The following POC5 variants were observed in gnomAD, a reference collection of about 807,000 sequenced individuals.
The protein encoded by POC5 is centrosomal protein POC5.
Under a neutral mutation model 62.9 loss-of-function variants are expected in POC5, and 48 were observed. That is an observed-to-expected ratio of 0.76 (90% CI 0.61 to 0.97). The LOEUF (loss-of-function observed/expected upper bound fraction) is 0.97. POC5 is among the 50% of genes least tolerant of loss of function. The pLI is 0.00. For synonymous variants in POC5, 236 were observed against 228.2 expected, an observed-to-expected ratio of 1.03 and a Z score of -0.31; for missense variants, 696 against 679.5, an observed-to-expected ratio of 1.02 and a Z score of -0.27.
Position 75,681,057 on chromosome 5 carries a change from C to A in POC5, c.1408-3107G>T, listed in dbSNP as rs377589151. On this transcript the variant is annotated intron_variant, in intron 10 of 11. Transcript: ENST00000428202. ...AAAATTCTAGCATTTTAAGCCACAT[C>A]AACATAAGCAACAAAATTGAAAGGA... is the stretch of plus-strand genomic sequence containing the variant. Among the ~76,000 whole-genome samples the A allele has an allele frequency of 6.7e-4, 102 of 151,896 alleles. 1 individual carries two copies. The South Asian group carries it at 0.02, about 30-fold the overall frequency.
Position 75,712,883 on chromosome 5 carries a change from G to A in POC5, c.55C>T (p.Arg19Ter), listed in dbSNP as rs558520185. 18 of 1,612,082 alleles carry A rather than the reference G, an allele frequency of 1.1e-5. No individual in the cohort carries two copies. Among genetic ancestry groups the A allele is most frequent in the Admixed American group, 1.0e-4 (6 of 59,804 alleles). Residue 19 changes from arginine (R) to a stop codon, truncating the protein, a stop_gained, in exon 2 of 12, where the codon CGA (arginine) becomes TGA (stop). Transcript: ENST00000428202. LOFTEE classifies it high-confidence loss of function. ...SLPVVQNDSS[R>*]GSSVSSNLQE... ...AGATTCGAAGAGACAGAACTGCCTC[G>A]ACTGGAGTCATTTTGCACAACTGGA... is the stretch of plus-strand genomic sequence containing the variant.
Position 75,689,104 on chromosome 5 carries a change from T to C in POC5, c.1037A>G (p.His346Arg). 6.3e-7 allele frequency: 1 copy of C among 1,595,654 alleles called. No individual in the cohort carries two copies. Among genetic ancestry groups the C allele is most frequent in the Middle Eastern group, 1.7e-4 (1 of 6,032 alleles). ...EIQRMQHEKE[H>R]FEDSMKKAFM... ...AGCTTTTTTCATGGAATCTTCAAAG[T>C]GCTCTTTTTCATGTTGCATTCTTTG... is the stretch of plus-strand genomic sequence containing the variant. Residue 346 changes from histidine to arginine, a missense_variant, in exon 9 of 12, where the codon CAC becomes CGC. Physicochemically the swap from His to Arg is conservative, Grantham distance 29 (BLOSUM62 0). Coordinates refer to ENST00000428202, the MANE Select transcript of POC5 (RefSeq NM_001099271.2).
chr5:75,711,997 A>C (rs1332742616), intron 2 of POC5, among the ~76,000 whole-genome samples: 3 of 152,238 alleles, frequency 2.0e-5, no homozygotes, highest in Non-Finnish European at 1.5e-5. Flanking sequence ...AGGTACCATC[A>C]AAAGGGAAGG....
At chr5:75,674,695 G>T in intron 11 of POC5, 117 bp from the exon 12 acceptor site, 1 of 1,292,122 alleles carries the variant, frequency 7.7e-7, no homozygotes. Context: ...CCAGTAGAAA[G>T]AAGCAATGAG....
intron 9 of POC5, among the ~76,000 whole-genome samples, chr5:75,686,303 G>T (rs574383393): frequency 1.3e-5 from 2 of 152,306 alleles, no homozygotes; most frequent in South Asian, 4.1e-4. Context: ...TGAGGGTTTA[G>T]AAATTCAGTC....
At chr5:75,714,980 C>T (rs1467841330) in intron 1 of POC5, among the ~76,000 whole-genome samples, 1 of 152,054 alleles carries the variant, frequency 6.6e-6, no homozygotes, top group Non-Finnish European at 1.5e-5. Flanking sequence ...AAGTTCTTAT[C>T]CTGAGGTCCT....
intron 1 of POC5, among the ~76,000 whole-genome samples, chr5:75,715,302 T>TC: frequency 9.0e-6 from 1 of 111,586 alleles, no homozygotes; most frequent in East Asian, 2.3e-4. Flanking sequence ...AGAGTGAGAC[T>TC]CCGTCTCAAA....
At chr5:75,714,600 C>G (rs1433528018) in intron 1 of POC5, among the ~76,000 whole-genome samples, 1 of 152,074 alleles carries the variant, frequency 6.6e-6, no homozygotes, top group African/African-American at 2.4e-5. Context: ...TGGTGGCTTC[C>G]AGATCTCCGG....
At chr5:75,716,140 A>G (rs1331911524) in intron 1 of POC5, among the ~76,000 whole-genome samples, 2 of 152,186 alleles carry the variant, frequency 1.3e-5, no homozygotes, top group African/African-American at 4.8e-5. Context: ...CTGGAACTAA[A>G]TTGTGGAAAG....
At chr5:75,697,001 G>A (rs1316318691) in intron 5 of POC5, among the ~76,000 whole-genome samples, 1 of 152,104 alleles carries the variant, frequency 6.6e-6, no homozygotes, top group African/African-American at 2.4e-5. Context: ...GGGAAGTTTA[G>A]AGAAAAAAGA....
intron 10 of POC5, among the ~76,000 whole-genome samples, chr5:75,679,787 C>T (rs965296484): frequency 6.6e-6 from 1 of 152,018 alleles, no homozygotes; most frequent in East Asian, 1.9e-4. Context: ...AATAAGGTGG[C>T]ATCAGGAGGC....
intron 10 of POC5, among the ~76,000 whole-genome samples, chr5:75,679,838 A>G (rs1269704502): frequency 6.6e-6 from 1 of 152,146 alleles, no homozygotes; most frequent in African/African-American, 2.4e-5. Context: ...ATAATGTTTG[A>G]AATTAATAAA....
At chr5:75,686,372 GT>G (rs1561464881) in intron 9 of POC5, among the ~76,000 whole-genome samples, 1 of 152,066 alleles carries the variant, frequency 6.6e-6, no homozygotes, top group Non-Finnish European at 1.5e-5. Flanking sequence ...TGTTTAAATG[GT>G]TTTCTATGTA....
rs957613675 is a variant in POC5 at position 75,688,934 on chromosome 5, T to G, written c.1129+78A>C. 4.4e-6 allele frequency: 6 copies of G among 1,354,598 alleles called. No individual in the cohort carries two copies. The Admixed American group carries it at 1.7e-4, about 38-fold the overall frequency. 83.9% of individuals were successfully genotyped at this position (1,354,598 alleles called of 1,614,324 possible). ...CATACCTACTGCAGATTATTTGTACTGTAGACCATACCAATCACCAAAATC... is the reference window on the plus strand; with the variant it reads ...CATACCTACTGCAGATTATTTGTACGGTAGACCATACCAATCACCAAAATC... On this transcript the variant is annotated intron_variant, in intron 9 of 11. Coordinates refer to ENST00000428202, the MANE Select transcript of POC5 (RefSeq NM_001099271.2).
rs1399538393 is a variant in POC5 at position 75,690,125 on chromosome 5, C to T, written c.975+258G>A. On this transcript the variant is annotated intron_variant, in intron 8 of 11. Coordinates refer to ENST00000428202, the MANE Select transcript of POC5 (RefSeq NM_001099271.2). ...AAACTCCTGACTCAGGTGATCTGCC[C>T]GCCTCGGCCTCCCAAAGTGCTGGGT... 3.3e-5 allele frequency among the ~76,000 whole-genome samples: 5 copies of T among 152,092 alleles called. No individual in the cohort carries two copies. In the East Asian group the frequency reaches 7.7e-4, roughly 23 times the overall value.
intron 5 of POC5, among the ~76,000 whole-genome samples, chr5:75,697,295 G>T (rs998420408): frequency 3.9e-5 from 6 of 152,030 alleles, no homozygotes; most frequent in Admixed American, 2.0e-4. Context: ...AATGTTAAGG[G>T]CAGCCAGAGA....
chr5:75,677,314 A>T (rs1775704890), intron 11 of POC5, among the ~76,000 whole-genome samples: 1 of 152,214 alleles, frequency 6.6e-6, no homozygotes, highest in Admixed American at 6.5e-5. Context: ...ACATGCTGAC[A>T]ATTGTACTGA....
At chr5:75,715,927 A>T (rs1742511236) in intron 1 of POC5, among the ~76,000 whole-genome samples, 1 of 152,226 alleles carries the variant, frequency 6.6e-6, no homozygotes, top group Non-Finnish European at 1.5e-5. Flanking sequence ...AAGAAAATAG[A>T]ATTAGATGCC....
In POC5 at chr5:75,712,908, AAGTG is replaced by A. The variant is rs1240448563; in HGVS notation, c.26_29del (p.Ser9PhefsTer30). 1 of 1,612,722 alleles carries A rather than the reference AAGTG, an allele frequency of 6.2e-7. No individual in the cohort carries two copies. The highest frequency in any genetic ancestry group is 8.5e-7 in the Non-Finnish European group (1 of 1,179,278). On this transcript the variant is annotated frameshift_variant, in exon 2 of 12. Coordinates refer to ENST00000428202, the MANE Select transcript of POC5 (RefSeq NM_001099271.2). LOFTEE classifies it high-confidence loss of function. ...GACTGGAGTCATTTTGCACAACTGGAAGTGAGTATTTCTCCTCATCTGATGACAT... is the reference window on the plus strand; with the variant it reads ...GACTGGAGTCATTTTGCACAACTGGAAGTATTTCTCCTCATCTGATGACAT...
Sources: allele counts gnomAD v4.1 joint callset (sites outside exome capture counted in the v4.1 genomes callset), GRCh38; gene constraint gnomAD v4.1.1; transcripts MANE v1.5; gene names NCBI Gene and HGNC (gene_info 2026-07-23, HGNC 2026-07-21).